CAPN15: variants seen among roughly 807,000 people sequenced by gnomAD.
The protein encoded by CAPN15 is calpain-15.
In CAPN15, 53 loss-of-function variants were observed where a neutral mutation model predicts 97.9. The observed-to-expected ratio is 0.54, with a 90% CI of 0.43 to 0.68. CAPN15 has a LOEUF of 0.68. Among genes scored for constraint, CAPN15 ranks in the 30% least tolerant of loss-of-function variants. CAPN15 has a pLI of 0.00. For missense variants in CAPN15, 1,592 were observed against 1,589.8 expected, an observed-to-expected ratio of 1.00 and a Z score of -0.02; for synonymous variants, 922 against 722.5, an observed-to-expected ratio of 1.28 and a Z score of -4.43.
At chr16:550,720 C>T (rs1340649100) in intron 7 of CAPN15, among the ~76,000 whole-genome samples, 11 of 128,176 alleles carry the variant, frequency 8.6e-5, no homozygotes, top group Non-Finnish European at 1.1e-4. Context: ...GGTCCCCTGT[C>T]GGTGAGGGTC....
At chr16:550,987 A>G in intron 7 of CAPN15, among the ~76,000 whole-genome samples, 1 of 34,030 alleles carries the variant, frequency 2.9e-5, no homozygotes, top group Non-Finnish European at 5.6e-5. Context: ...CCTGTTGGTG[A>G]GGGTCCCGGT....
intron 1 of CAPN15, among the ~76,000 whole-genome samples, chr16:531,283 C>G (rs1160598826): frequency 1.3e-5 from 2 of 152,214 alleles, no homozygotes; most frequent in Non-Finnish European, 2.9e-5. Flanking sequence ...GCTGCAGCCT[C>G]AAACTCCTGG....
chr16:534,879 GCT>G (rs1280940885), intron 2 of CAPN15, among the ~76,000 whole-genome samples: 3 of 152,320 alleles, frequency 2.0e-5, no homozygotes, highest in Admixed American at 2.0e-4. Flanking sequence ...TGGCAAGATG[GCT>G]CTGTGAAAGA....
At chr16:530,538 C>T (rs552417210) in intron 1 of CAPN15, among the ~76,000 whole-genome samples, 5 of 152,328 alleles carry the variant, frequency 3.3e-5, no homozygotes, top group African/African-American at 7.2e-5. Flanking sequence ...ATGTGTGTCT[C>T]GCTGCAGGGA....
rs373792314 is a variant in CAPN15 at position 543,679 on chromosome 16, C to T, written c.-22-3138C>T. Among the ~76,000 whole-genome samples, 102 of 152,290 alleles carry T rather than the reference C, an allele frequency of 6.7e-4. 1 individual carries two copies. The East Asian group carries it at 0.016, about 24-fold the overall frequency. Reference sequence around the variant, plus strand: ...CCCCCAGGCTAGAGATGGGCGAGAGCGGTGGGCGAGCAGACTGCGGGAAGG... The same window carrying T: ...CCCCCAGGCTAGAGATGGGCGAGAGTGGTGGGCGAGCAGACTGCGGGAAGG... On this transcript the variant is annotated intron_variant, in intron 3 of 13. Coordinates refer to ENST00000219611, the MANE Select transcript of CAPN15 (RefSeq NM_005632.3).
chr16:534,094 G>A (rs1028558601), intron 2 of CAPN15, 96 bp downstream of exon 2: 9 of 527,074 alleles, frequency 1.7e-5, no homozygotes, highest in Admixed American at 6.3e-5. Flanking sequence ...CACGGCTGGG[G>A]GGCCTCTCGG....
intron 6 of CAPN15, 66 bp downstream of exon 6, chr16:549,537 G>A (rs1055474380): frequency 1.1e-5 from 16 of 1,516,886 alleles, no homozygotes; most frequent in African/African-American, 1.4e-5. Context: ...CCGAAAACAA[G>A]GCCGGCTGCT....
intron 2 of CAPN15, among the ~76,000 whole-genome samples, chr16:534,670 CTT>C (rs1332169671): frequency 6.6e-6 from 1 of 152,198 alleles, no homozygotes; most frequent in Non-Finnish European, 1.5e-5. Context: ...GTGGCTGGCT[CTT>C]GTTTCCTGCC....
chr16:553,460 C>G lies in CAPN15; in HGVS notation c.3205C>G (p.His1069Asp). Residue 1069 changes from histidine (H) to aspartate (D), a missense_variant, in exon 14 of 14, where the codon CAC (histidine) becomes GAC (aspartate). Transcript: ENST00000219611. ...LSDWTASKGT[H>D]SPPLTPEVAG... Reference sequence around the variant, plus strand: ...TGACTGGACAGCCTCCAAGGGGACCCACAGCCCCCCACTCACGCCAGAGGT... The same window carrying G: ...TGACTGGACAGCCTCCAAGGGGACCGACAGCCCCCCACTCACGCCAGAGGT... 1 of 1,611,494 alleles carries G rather than the reference C, an allele frequency of 6.2e-7. No homozygotes were observed. Among genetic ancestry groups the G allele is most frequent in the Non-Finnish European group, 8.5e-7 (1 of 1,179,322 alleles).
At chr16:544,462 A>G (rs985433525) in intron 3 of CAPN15, among the ~76,000 whole-genome samples, 4 of 152,078 alleles carry the variant, frequency 2.6e-5, no homozygotes, top group African/African-American at 9.7e-5. Context: ...GGGCTGCGCC[A>G]GTCACAGGCC....
rs2034914382 is a variant in CAPN15 at position 550,521 on chromosome 16, C to T, written c.2066+683C>T. 3.3e-5 allele frequency among the ~76,000 whole-genome samples: 5 copies of T among 152,346 alleles called. No homozygotes were observed. In the South Asian group the frequency reaches 1.0e-3, roughly 32 times the overall value. ...CCTGCCTGTCTTGGTGGCAAGGTCG[C>T]GGCCAGCGAGGGCACTGGTCAGCAA... On this transcript the variant is annotated intron_variant, in intron 7 of 13. Coordinates refer to ENST00000219611, the MANE Select transcript of CAPN15 (RefSeq NM_005632.3).
chr16:542,567 C>T (rs992297672), intron 3 of CAPN15, among the ~76,000 whole-genome samples: 1 of 152,112 alleles, frequency 6.6e-6, no homozygotes, highest in Admixed American at 6.6e-5. Context: ...TCCACCCGTG[C>T]CTGTCTTTTT....
chr16:543,547 G>A (rs572166568), intron 3 of CAPN15, among the ~76,000 whole-genome samples: 20 of 152,252 alleles, frequency 1.3e-4, no homozygotes, highest in Middle Eastern at 6.8e-3. Flanking sequence ...CCCCTGGGTC[G>A]GCATCCCTGG....
At chr16:532,357 C>T (rs1371121599) in intron 1 of CAPN15, among the ~76,000 whole-genome samples, 1 of 150,804 alleles carries the variant, frequency 6.6e-6, no homozygotes, top group Non-Finnish European at 1.5e-5. Flanking sequence ...AGGTAGAGAC[C>T]AGCATGGCCA....
chr16:547,605 A>G lies in CAPN15; in HGVS notation c.767A>G (p.Gln256Arg). Reference sequence around the variant, plus strand: ...CGACGCGAGGTTCCCCCCCAGCTGCAGCCACCGGTGCCTGAGGCTGCCCAG... The same window carrying G: ...CGACGCGAGGTTCCCCCCCAGCTGCGGCCACCGGTGCCTGAGGCTGCCCAG... ...RSRREVPPQL[Q>R]PPVPEAAQPS... Residue 256 changes from glutamine to arginine, a missense_variant, in exon 4 of 14, where the codon CAG becomes CGG. By Grantham distance (43) the Gln-to-Arg change is conservative. Around this residue, in one of 3 missense-constraint regions of CAPN15, gnomAD observed 883 missense variants for 776.6 expected, o/e 1.14. Transcript: ENST00000219611. 1 of 1,573,522 alleles carries G rather than the reference A, an allele frequency of 6.4e-7. No individual in the cohort carries two copies. Among genetic ancestry groups the G allele is most frequent in the Non-Finnish European group, 8.6e-7 (1 of 1,161,618 alleles).
intron 3 of CAPN15, among the ~76,000 whole-genome samples, chr16:545,487 G>C (rs1016846436): frequency 6.6e-6 from 1 of 152,152 alleles, no homozygotes; most frequent in Non-Finnish European, 1.5e-5. Context: ...CCCGTGTCCC[G>C]GGGCCACGTT....
At chr16:536,341 T>C (rs923783805) in intron 3 of CAPN15, among the ~76,000 whole-genome samples, 199 bp downstream of exon 3, 7 of 152,166 alleles carry the variant, frequency 4.6e-5, no homozygotes, top group African/African-American at 1.7e-4. Flanking sequence ...CACCACTTCT[T>C]GCTCCTCTTT....
intron 4 of CAPN15, among the ~76,000 whole-genome samples, chr16:548,520 C>A (rs913614925): frequency 6.6e-6 from 1 of 152,242 alleles, no homozygotes; most frequent in African/African-American, 2.4e-5. Context: ...CTTCACCCCC[C>A]TCAACCCTCC....
rs879032409 is a variant in CAPN15, at chr16:550,782, G to T, written c.2067-520G>T. ...AGGGTCCCCTGCCGGTGAGGGTCCCGGTCGGTGAGGGTCCCGGTCGGTGAG... is the reference window on the plus strand; with the variant it reads ...AGGGTCCCCTGCCGGTGAGGGTCCCTGTCGGTGAGGGTCCCGGTCGGTGAG... On this transcript the variant is annotated intron_variant, in intron 7 of 13. Transcript: ENST00000219611. Among the ~76,000 whole-genome samples, 28 of 3,388 alleles carry T rather than the reference G, an allele frequency of 8.3e-3. 1 individual carries two copies. The highest frequency in any genetic ancestry group is 0.015 in the East Asian group (2 of 130). The allele number at this position is 3,388 out of a possible 152,430, so 2.2% of individuals were successfully genotyped here.
Sources: gnomAD v4.1 joint callset for allele counts (sites outside exome capture counted in the v4.1 genomes callset) on GRCh38, gnomAD v4.1.1 for gene constraint, gnomAD v4.1.1 regional missense constraint, MANE v1.5 for transcripts, NCBI Gene and HGNC (gene_info 2026-07-23, HGNC 2026-07-21) for gene names.